DHRS12: variants seen among roughly 807,000 people sequenced by gnomAD.
The protein encoded by DHRS12 is dehydrogenase/reductase 12, also known as dehydrogenase/reductase SDR family member 12.
A neutral mutation model predicts 32.1 loss-of-function variants in DHRS12; 29 were observed. The ratio of observed to expected loss-of-function variants is 0.90; its 90% CI spans 0.67 to 1.23. The LOEUF (loss-of-function observed/expected upper bound fraction) is 1.23. DHRS12 is among the 50% of genes most tolerant of loss of function. DHRS12 has a pLI of 0.00. For missense variants in DHRS12, 330 were observed against 337.2 expected (o/e 0.98, Z 0.17); for synonymous variants, 150 against 135.9 (o/e 1.10, Z -0.72).
the DHRS12 span, chr13:51,759,758 G>C: frequency 2.5e-6 from 4 of 1,614,040 alleles, no homozygotes; most frequent in Non-Finnish European, 2.5e-6. Context: ...TATGACCCCA[G>C]TCGTGTCTTG....
chr13:51,792,247 C>T (rs989412090), intron 2 of DHRS12, among the ~76,000 whole-genome samples: 12 of 152,194 alleles, frequency 7.9e-5, no homozygotes, highest in African/African-American at 2.9e-4. Flanking sequence ...TTCTCCATAA[C>T]CTAACAAACA....
the DHRS12 span, chr13:51,759,793 A>G: frequency 6.2e-7 from 1 of 1,612,890 alleles, no homozygotes; most frequent in Non-Finnish European, 8.5e-7. Context: ...AATCAGAAAG[A>G]TAGTATTTAC....
At chr13:51,762,552 TTAAG>T in the DHRS12 span, 1 of 152,258 alleles carries the variant, frequency 6.6e-6, no homozygotes, top group Non-Finnish European at 1.5e-5. Flanking sequence ...GCGTTTTGCA[TTAAG>T]TGTCTCCCCC....
chr13:51,765,862 G>GTTTA (rs1953730162), downstream of DHRS12: 1 of 152,150 alleles, frequency 6.6e-6, no homozygotes. Context: ...ACCTCAAAAT[G>GTTTA]TTTACCTTTA....
At position 51,780,355 on chromosome 13, in the gene DHRS12, G is replaced by A. The variant is rs9568664; in HGVS notation, c.302-3234C>T. 7.6e-4 allele frequency among the ~76,000 whole-genome samples: 115 copies of A among 152,138 alleles called. No homozygotes were observed. In the East Asian group the frequency reaches 0.018, roughly 24 times the overall value. On this transcript the variant is annotated intron_variant, in intron 4 of 8. Coordinates refer to ENST00000444610, the MANE Select transcript of DHRS12 (RefSeq NM_001377533.1). ...TATCAGGGACATTTGGGTGATTCAA[G>A]GTTTTGATGAGAGAAAAAGAGAGAT... is the stretch of plus-strand genomic sequence containing the variant.
the DHRS12 span, chr13:51,755,364 G>A: frequency 6.2e-7 from 1 of 1,614,174 alleles, no homozygotes; most frequent in Non-Finnish European, 8.5e-7. Context: ...CAAGACCCCT[G>A]AATGGTTGGA....
rs1273431463 is a variant in DHRS12 at position 51,768,218 on chromosome 13, A to G, written c.776T>C (p.Ile259Thr). Residue 259 changes from isoleucine (I) to threonine (T), a missense_variant, in exon 9 of 9, where the codon ATC becomes ACC. Coordinates refer to ENST00000444610, the MANE Select transcript of DHRS12 (RefSeq NM_001377533.1). ...SPAEEEKLIE[I>T]LEQLAQTFK ...AAATGTCTGAGCCAGCTGTTCCAGG[A>G]TTTCAATGAGTTTCTCCTCTTCGGC... 24 of 1,535,980 alleles carry G rather than the reference A, an allele frequency of 1.6e-5. No homozygotes were observed. Among genetic ancestry groups the G allele is most frequent in the Non-Finnish European group, 2.1e-5 (24 of 1,146,920 alleles).
Position 51,770,238 on chromosome 13 carries a change from C to G in DHRS12, c.560-945G>C, listed in dbSNP as rs760630202. 2.0e-5 allele frequency among the ~76,000 whole-genome samples: 3 copies of G among 152,006 alleles called. No individual in the cohort carries two copies. In the East Asian group the frequency reaches 5.8e-4, roughly 29 times the overall value. On this transcript the variant is annotated intron_variant, in intron 7 of 8. Coordinates refer to ENST00000444610, the MANE Select transcript of DHRS12 (RefSeq NM_001377533.1). ...TAGGCAAAAAGAAAAAATGTGAAAA[C>G]CTTGTGATGTGTCACTCCGCGGTGA... is the stretch of plus-strand genomic sequence containing the variant.
chr13:51,755,323 G>A, the DHRS12 span: 2 of 1,600,676 alleles, frequency 1.2e-6, no homozygotes, highest in Non-Finnish European at 1.7e-6. Flanking sequence ...CTGACTGCTG[G>A]CCACAGTGAC....
At chr13:51,767,533 T>G (rs1341126431), downstream of DHRS12, 3 of 152,820 alleles carry the variant, frequency 2.0e-5, no homozygotes, top group Admixed American at 6.5e-5. Context: ...TGTAGATGTA[T>G]TCTAAATCTG....
intron 7 of DHRS12, chr13:51,771,618 A>T: frequency 6.8e-7 from 1 of 1,476,966 alleles, no homozygotes. Context: ...TGCACAGGGC[A>T]AGCTGGAAGC....
chr13:51,755,239 A>G, the DHRS12 span: 4 of 925,556 alleles, frequency 4.3e-6, no homozygotes, highest in South Asian at 1.7e-5. Flanking sequence ...TGACTGAGAA[A>G]TCACACCTCT....
intron 7 of DHRS12, chr13:51,771,498 G>T: frequency 6.2e-7 from 1 of 1,614,016 alleles, no homozygotes; most frequent in South Asian, 1.1e-5. Context: ...ATTCCTGTCT[G>T]ACGTGGAAAT....
chr13:51,769,365 A>T (rs1278363502), intron 7 of DHRS12, 72 bp from the exon 8 acceptor site: 11 of 827,752 alleles, frequency 1.3e-5, no homozygotes, highest in South Asian at 2.7e-5. Context: ...CCTTAATTTA[A>T]AAAAAAAAAA....
chr13:51,771,267 G>A, intron 7 of DHRS12: 1 of 1,553,064 alleles, frequency 6.4e-7, no homozygotes, highest in Non-Finnish European at 8.7e-7. Context: ...GAGGAGGAAA[G>A]AGCTGCAGAG....
intron 4 of DHRS12, among the ~76,000 whole-genome samples, chr13:51,787,749 AT>A (rs1328664337): frequency 1.1e-4 from 12 of 109,228 alleles, no homozygotes; most frequent in Admixed American, 4.0e-4. Context: ...TATATTATAT[AT>A]TTTTATATAT....
At chr13:51,788,903 G>A (rs568252020) in intron 4 of DHRS12, among the ~76,000 whole-genome samples, 5 of 152,028 alleles carry the variant, frequency 3.3e-5, no homozygotes, top group Admixed American at 2.0e-4. Flanking sequence ...GACAATCAGC[G>A]GGGCTTGCTC....
chr13:51,783,037 G>C (rs535676723), intron 4 of DHRS12, among the ~76,000 whole-genome samples: 1 of 152,130 alleles, frequency 6.6e-6, no homozygotes, highest in East Asian at 1.9e-4. Flanking sequence ...CCAGAGCGGG[G>C]TGCACGGCGC....
intron 2 of DHRS12, among the ~76,000 whole-genome samples, chr13:51,793,917 C>T (rs895371355): frequency 4.6e-5 from 7 of 152,346 alleles, no homozygotes; most frequent in African/African-American, 1.4e-4. Flanking sequence ...TTCCTGGAAG[C>T]GCCTGAGATG....
Sources: allele counts gnomAD v4.1 joint callset (sites outside exome capture counted in the v4.1 genomes callset), GRCh38; gene constraint gnomAD v4.1.1; transcripts MANE v1.5; gene names NCBI Gene and HGNC (gene_info 2026-07-23, HGNC 2026-07-21).